DOCK4: variants seen among roughly 807,000 people sequenced by gnomAD.
DOCK4 encodes the protein dedicator of cytokinesis protein 4.
DOCK4 carries 97 observed loss-of-function variants against 268.1 expected under a neutral mutation model. That is an observed-to-expected ratio of 0.36 (90% CI 0.31 to 0.43). The LOEUF is 0.43. Ranked by LOEUF, DOCK4 falls within the 20% of genes least tolerant of loss-of-function variation. The pLI is 1.00. For synonymous variants in DOCK4, 954 were observed against 887.2 expected, an observed-to-expected ratio of 1.08 and a Z score of -1.34; for missense variants, 2,145 against 2,455.7, an observed-to-expected ratio of 0.87 and a Z score of 2.67.
chr7:111,902,549 C>A (rs1791229268), intron 13 of DOCK4, among the ~76,000 whole-genome samples: 1 of 151,818 alleles, frequency 6.6e-6, no homozygotes, highest in Non-Finnish European at 1.5e-5. Flanking sequence ...AACTAGCAAA[C>A]TTAGGCAAAT....
At chr7:112,015,879 A>G (rs915441787) in intron 1 of DOCK4, among the ~76,000 whole-genome samples, 1 of 152,216 alleles carries the variant, frequency 6.6e-6, no homozygotes, top group Non-Finnish European at 1.5e-5. Context: ...GACGAAGAAC[A>G]TGAGTGTAAA....
chr7:111,852,780 G>A (rs1329150580), intron 23 of DOCK4, among the ~76,000 whole-genome samples: 1 of 152,232 alleles, frequency 6.6e-6, no homozygotes, highest in African/African-American at 2.4e-5. Context: ...ATGCCAGCCA[G>A]TGCAATTGAT....
intron 36 of DOCK4, among the ~76,000 whole-genome samples, chr7:111,775,237 G>A (rs1798370938): frequency 6.6e-6 from 1 of 152,200 alleles, no homozygotes; most frequent in Non-Finnish European, 1.5e-5. Context: ...AGAGGAATGA[G>A]TAAATTCTGG....
chr7:112,015,935 C>T (rs1287944785), intron 1 of DOCK4, among the ~76,000 whole-genome samples: 1 of 152,194 alleles, frequency 6.6e-6, no homozygotes, highest in African/African-American at 2.4e-5. Context: ...GCCTTAATCC[C>T]ATTAACAAGG....
intron 8 of DOCK4, among the ~76,000 whole-genome samples, chr7:111,973,841 T>C (rs1198885667): frequency 6.6e-6 from 1 of 152,168 alleles, no homozygotes; most frequent in Non-Finnish European, 1.5e-5. Flanking sequence ...CTTACAATAG[T>C]CTACTTCTAT....
chr7:112,113,073 C>T (rs962366573), intron 1 of DOCK4, among the ~76,000 whole-genome samples: 8 of 152,050 alleles, frequency 5.3e-5, no homozygotes, highest in East Asian at 3.8e-4. Flanking sequence ...TCAATAAAAA[C>T]GAGCATGCAA....
chr7:111,961,756 T>C (rs895710439), intron 8 of DOCK4, among the ~76,000 whole-genome samples: 4 of 152,198 alleles, frequency 2.6e-5, no homozygotes, highest in South Asian at 2.1e-4. Flanking sequence ...TTTTGTCAAG[T>C]ACATTATGAA....
intron 9 of DOCK4, among the ~76,000 whole-genome samples, chr7:111,945,223 T>C (rs1403309970): frequency 1.3e-5 from 2 of 152,216 alleles, no homozygotes; most frequent in Non-Finnish European, 2.9e-5. Flanking sequence ...TTCGCTCTTG[T>C]TGCCCAGGCA....
intron 4 of DOCK4, among the ~76,000 whole-genome samples, chr7:111,996,437 T>C (rs1235838956): frequency 6.6e-6 from 1 of 152,216 alleles, no homozygotes; most frequent in African/African-American, 2.4e-5. Context: ...TTTCCATTAT[T>C]TCATCCTAGT....
intron 52 of DOCK4, 78 bp from the exon 53 acceptor site, chr7:111,728,798 A>T (rs1794856824): frequency 7.2e-7 from 1 of 1,397,654 alleles, no homozygotes; most frequent in Non-Finnish European, 9.5e-7. Context: ...GTACGCCCCG[A>T]CGCGGAGGCC....
At chr7:112,134,921 ACTTCAGTAATTT>A (rs535311148) in intron 1 of DOCK4, among the ~76,000 whole-genome samples, 2 of 152,312 alleles carry the variant, frequency 1.3e-5, no homozygotes, top group Admixed American at 1.3e-4. Flanking sequence ...AAACACATTT[ACTTCAGTAATTT>A]CCTTAACCAG....
chr7:112,150,220 T>C (rs1815928475), intron 1 of DOCK4, among the ~76,000 whole-genome samples: 1 of 152,064 alleles, frequency 6.6e-6, no homozygotes, highest in Non-Finnish European at 1.5e-5. Flanking sequence ...ACCTTTCTAA[T>C]CAAAAATCCC....
At chr7:112,190,679 A>G (rs1819876390) in intron 1 of DOCK4, among the ~76,000 whole-genome samples, 1 of 152,290 alleles carries the variant, frequency 6.6e-6, no homozygotes. Flanking sequence ...CAAAAACAAA[A>G]AAAAAAAATT....
At chr7:112,040,473 C>T (rs1304570822) in intron 1 of DOCK4, among the ~76,000 whole-genome samples, 2 of 152,104 alleles carry the variant, frequency 1.3e-5, no homozygotes, top group African/African-American at 4.8e-5. Context: ...CAGTGAACCA[C>T]TATAGACATT....
At chr7:111,919,394 A>G (rs1792910348) in intron 12 of DOCK4, among the ~76,000 whole-genome samples, 3 of 152,120 alleles carry the variant, frequency 2.0e-5, no homozygotes, top group Non-Finnish European at 2.9e-5. Context: ...CATTTAGGAG[A>G]CAGTCGACAG....
chr7:112,175,751 G>A (rs963073418), intron 1 of DOCK4, among the ~76,000 whole-genome samples: 8 of 152,030 alleles, frequency 5.3e-5, no homozygotes, highest in African/African-American at 1.9e-4. Context: ...TTCCAATTAA[G>A]TTATGCATTT....
intron 23 of DOCK4, among the ~76,000 whole-genome samples, chr7:111,854,520 C>T (rs889345717): frequency 1.3e-5 from 2 of 152,164 alleles, no homozygotes; most frequent in African/African-American, 2.4e-5. Context: ...TTCTTTAACT[C>T]GGTGTCTGAG....
intron 1 of DOCK4, among the ~76,000 whole-genome samples, chr7:112,004,526 G>A (rs1010558958): frequency 6.6e-5 from 10 of 152,090 alleles, no homozygotes; most frequent in African/African-American, 2.2e-4. Flanking sequence ...AATAATAAAC[G>A]AGGAATATAT....
intron 35 of DOCK4, among the ~76,000 whole-genome samples, chr7:111,782,521 C>A (rs914774191): frequency 6.6e-6 from 1 of 152,110 alleles, no homozygotes; most frequent in Admixed American, 6.6e-5. Context: ...AGACCTCTAA[C>A]AGGGGATACA....
Sources: allele counts gnomAD v4.1 joint callset (sites outside exome capture counted in the v4.1 genomes callset), GRCh38; gene constraint gnomAD v4.1.1; transcripts MANE v1.5; gene names NCBI Gene and HGNC (gene_info 2026-07-23, HGNC 2026-07-21).